Variants in DPT observed in about 807,000 individuals in gnomAD.
DPT encodes the protein tyrosine-rich acidic matrix protein.
A neutral mutation model predicts 31.2 loss-of-function variants in DPT; 21 were observed. The observed-to-expected ratio is 0.67, with a 90% CI of 0.48 to 0.97. The LOEUF is 0.97. DPT is among the 50% of genes least tolerant of loss of function. The pLI is 0.00. For missense variants in DPT, 262 were observed against 258.8 expected, an observed-to-expected ratio of 1.01 and a Z score of -0.08; for synonymous variants, 91 against 86.9, an observed-to-expected ratio of 1.05 and a Z score of -0.26.
At chr1:168,700,925 GTGTT>G in intron 3 of DPT, 88 bp downstream of exon 3, 1 of 741,036 alleles carries the variant, frequency 1.3e-6, no homozygotes, top group Non-Finnish European at 2.4e-6. Context: ...GTGTGTGTGT[GTGTT>G]TATAAATTCC....
chr1:168,702,324 G>A (rs1354341724), intron 2 of DPT, among the ~76,000 whole-genome samples: 1 of 152,064 alleles, frequency 6.6e-6, no homozygotes, highest in African/African-American at 2.4e-5. Context: ...AAACTGTAAG[G>A]GCTCCTAGGA....
chr1:168,726,788 G>T (rs1222725244), intron 1 of DPT, among the ~76,000 whole-genome samples: 1 of 152,262 alleles, frequency 6.6e-6, no homozygotes, highest in Non-Finnish European at 1.5e-5. Flanking sequence ...GCCTGGCTGT[G>T]AGGAGTCATG....
Position 168,714,207 on chromosome 1 carries a change from G to A in DPT, c.431+14C>T, listed in dbSNP as rs1649928743. On this transcript the variant is annotated intron_variant, in intron 2 of 3. Transcript: ENST00000367817. ...CCCAGGAGTCATGAGGGTTTGGTCG[G>A]CTGCCAGACTCACCAGCAGGAATAT... The A allele has an allele frequency of 6.2e-7, 1 of 1,613,830 alleles. No individual in the cohort carries two copies. The highest frequency in any genetic ancestry group is 1.1e-5 in the South Asian group (1 of 91,058).
intron 2 of DPT, among the ~76,000 whole-genome samples, chr1:168,709,956 CACCATT>C (rs761400542): frequency 6.6e-6 from 1 of 152,236 alleles, no homozygotes; most frequent in Non-Finnish European, 1.5e-5. Context: ...TGTCAGGTTT[CACCATT>C]GTTACTGTTC....
At chr1:168,701,883 A>G (rs1218277575) in intron 2 of DPT, among the ~76,000 whole-genome samples, 1 of 152,234 alleles carries the variant, frequency 6.6e-6, no homozygotes, top group Non-Finnish European at 1.5e-5. Context: ...GGAACTAATA[A>G]AAATGAGTGA....
intron 2 of DPT, among the ~76,000 whole-genome samples, chr1:168,703,529 T>C (rs976727351): frequency 1.1e-4 from 16 of 152,250 alleles, no homozygotes; most frequent in South Asian, 6.2e-4. Flanking sequence ...GAGGTACTGA[T>C]GTCCAGTGAA....
intron 1 of DPT, among the ~76,000 whole-genome samples, chr1:168,717,330 T>G (rs774754183): frequency 6.6e-6 from 1 of 152,226 alleles, no homozygotes; most frequent in East Asian, 1.9e-4. Context: ...TTTTCATATG[T>G]TTGTTGGCCA....
chr1:168,713,641 C>T (rs190767307), intron 2 of DPT, among the ~76,000 whole-genome samples: 324 of 152,310 alleles, frequency 2.1e-3, no homozygotes, highest in African/African-American at 7.4e-3. Context: ...AGGAGATATT[C>T]GGCATGAGCC....
At chr1:168,714,605 G>A (rs1236230337) in intron 1 of DPT, among the ~76,000 whole-genome samples, 1 of 152,112 alleles carries the variant, frequency 6.6e-6, no homozygotes, top group African/African-American at 2.4e-5. Context: ...AATATATATT[G>A]TTAGATGGAA....
intron 1 of DPT, among the ~76,000 whole-genome samples, chr1:168,722,600 G>A (rs546401654): frequency 5.3e-5 from 8 of 152,224 alleles, no homozygotes; most frequent in East Asian, 1.9e-4. Flanking sequence ...ACCATTTTAC[G>A]TATAAGGAAA....
chr1:168,714,075 C>T, intron 2 of DPT, 146 bp downstream of exon 2: 1 of 1,069,682 alleles, frequency 9.3e-7, no homozygotes, highest in East Asian at 2.6e-5. Flanking sequence ...GAACATCCTC[C>T]TAAGTCATTC....
At chr1:168,710,821 T>C (rs1010871582) in intron 2 of DPT, among the ~76,000 whole-genome samples, 1 of 152,042 alleles carries the variant, frequency 6.6e-6, no homozygotes, top group African/African-American at 2.4e-5. Context: ...ACCTGTCTTT[T>C]TCAGGTCTCA....
intron 1 of DPT, among the ~76,000 whole-genome samples, chr1:168,728,336 C>T (rs925311494): frequency 1.3e-5 from 2 of 152,140 alleles, no homozygotes; most frequent in Non-Finnish European, 2.9e-5. Context: ...TGTCCTTGTC[C>T]CCTCTTTTCC....
intron 2 of DPT, among the ~76,000 whole-genome samples, chr1:168,713,869 G>A (rs796139864): frequency 2.0e-5 from 3 of 152,016 alleles, no homozygotes; most frequent in Admixed American, 1.3e-4. Flanking sequence ...TGGATATGAT[G>A]AGAAGTTACC....
chr1:168,697,496 G>A (rs148492111), intron 3 of DPT, among the ~76,000 whole-genome samples: 2 of 152,262 alleles, frequency 1.3e-5, no homozygotes, highest in African/African-American at 4.8e-5. Context: ...TGTTTAAGTG[G>A]TTGGGGATGG....
chr1:168,698,736 C>T (rs193047821), intron 3 of DPT, among the ~76,000 whole-genome samples: 48 of 152,232 alleles, frequency 3.2e-4, no homozygotes, highest in Admixed American at 5.9e-4. Context: ...ATATCTGGCC[C>T]TAGATGTCAA....
chr1:168,701,229 C>A (rs1000626091), intron 2 of DPT, 105 bp from the exon 3 acceptor site: 1 of 855,434 alleles, frequency 1.2e-6, no homozygotes, highest in African/African-American at 1.7e-5. Flanking sequence ...AGCATCCTGG[C>A]AAATCCAGAC....
chr1:168,719,251 C>T (rs1650047341), intron 1 of DPT, among the ~76,000 whole-genome samples: 1 of 152,160 alleles, frequency 6.6e-6, no homozygotes, highest in Non-Finnish European at 1.5e-5. Flanking sequence ...CTCCCTGCAG[C>T]TCCATGATGA....
intron 1 of DPT, among the ~76,000 whole-genome samples, chr1:168,725,829 C>T (rs1225508978): frequency 1.3e-5 from 2 of 152,150 alleles, no homozygotes; most frequent in Non-Finnish European, 2.9e-5. Context: ...GAGACTCCTC[C>T]CCTCTTTTAA....
Sources: gnomAD v4.1 joint callset for allele counts (sites outside exome capture counted in the v4.1 genomes callset) on GRCh38, gnomAD v4.1.1 for gene constraint, MANE v1.5 for transcripts, NCBI Gene and HGNC (gene_info 2026-07-23, HGNC 2026-07-21) for gene names.